Variants in HMGXB3 observed in about 807,000 individuals in gnomAD.
The protein encoded by HMGXB3 is HMG domain-containing protein 3.
In HMGXB3, 45 loss-of-function variants were observed where a neutral mutation model predicts 121.5. The observed-to-expected ratio is 0.37, with a 90% confidence interval of 0.29 to 0.47. HMGXB3 has a LOEUF of 0.47. Ranked by LOEUF, HMGXB3 falls within the 20% of genes least tolerant of loss-of-function variation. The probability of loss-of-function intolerance (pLI) is 0.99; values close to 1 mark genes in which losing one functional copy is unlikely to be tolerated. For synonymous variants in HMGXB3, 590 were observed against 624.1 expected (o/e 0.95, Z 0.81); for missense variants, 1,376 against 1,602.2 (o/e 0.86, Z 2.41).
intron 9 of HMGXB3, among the ~76,000 whole-genome samples, chr5:150,029,304 C>CT (rs1756317492): frequency 6.8e-6 from 1 of 147,104 alleles, no homozygotes; most frequent in South Asian, 2.1e-4. Context: ...GGTTTTTTGG[C>CT]TATATGTAGC....
chr5:150,008,445 C>G (rs954983973), intron 3 of HMGXB3, among the ~76,000 whole-genome samples: 16 of 152,030 alleles, frequency 1.1e-4, no homozygotes, highest in African/African-American at 3.9e-4. Context: ...TAAATATTAC[C>G]CTTTAGTAGA....
intron 6 of HMGXB3, 22 bp downstream of exon 6, chr5:150,018,719 T>C (rs1024276525): frequency 6.5e-6 from 10 of 1,539,304 alleles, no homozygotes; most frequent in Non-Finnish European, 2.6e-6. Context: ...TGGCTGTTGC[T>C]GCTTTGGAAG....
At position 150,050,313 on chromosome 5, in the gene HMGXB3, T is replaced by A. The variant is rs1756860118; in HGVS notation, c.3263T>A (p.Leu1088His). ...GESARDHVDL[L>H]ASSRHWPPVY... ...AGTGCCCGTGACCATGTGGACCTGC[T>A]TGCCTCTTCCCGCCACTGGCCGCCT... Residue 1088 changes from leucine (L) to histidine (H), a missense_variant, in exon 19 of 20, where the codon CTT (leucine) becomes CAT (histidine). By Grantham distance (99) the Leu-to-His change is moderately conservative (BLOSUM62 -3). Transcript: ENST00000502717. The A allele has an allele frequency of 6.4e-7, 1 of 1,551,664 alleles. No individual in the cohort carries two copies. The highest frequency in any genetic ancestry group is 1.4e-5 in the African/African-American group (1 of 73,066).
At chr5:150,009,568 G>A (rs1755782481) in intron 3 of HMGXB3, among the ~76,000 whole-genome samples, 1 of 152,118 alleles carries the variant, frequency 6.6e-6, no homozygotes, top group Non-Finnish European at 1.5e-5. Flanking sequence ...AAACCAGTGA[G>A]GTCAGAATGC....
chr5:150,047,915 A>G (rs189505949), intron 17 of HMGXB3, among the ~76,000 whole-genome samples, 158 bp downstream of exon 17: 1 of 152,304 alleles, frequency 6.6e-6, no homozygotes, highest in South Asian at 2.1e-4. Context: ...GCTAGATGTG[A>G]CATGTATGTG....
chr5:150,005,238 T>G (rs756908163), intron 2 of HMGXB3, among the ~76,000 whole-genome samples: 3 of 152,232 alleles, frequency 2.0e-5, no homozygotes, highest in Non-Finnish European at 4.4e-5. Context: ...ACAAAAGAGC[T>G]ACATTATTTA....
At chr5:150,051,626 T>A in intron 19 of HMGXB3, 99 bp from the exon 20 acceptor site, 1 of 972,378 alleles carries the variant, frequency 1.0e-6, no homozygotes, top group Non-Finnish European at 1.5e-6. Context: ...GATGTTAGGA[T>A]TCAAAGAGGG....
intron 15 of HMGXB3, among the ~76,000 whole-genome samples, chr5:150,042,250 A>G (rs1476945084): frequency 6.6e-6 from 1 of 152,252 alleles, no homozygotes; most frequent in African/African-American, 2.4e-5. Flanking sequence ...TGCATGTTTT[A>G]GACACCTGGG....
chr5:150,052,370 T>G lies in HMGXB3; in HGVS notation c.*178T>G. 1.6e-6 allele frequency: 1 copy of G among 609,124 alleles called. No homozygotes were observed. The allele number at this position is 609,124 out of a possible 1,614,324, so 37.7% of individuals were successfully genotyped here. A position where few individuals can be genotyped will look rare whatever the true frequency, so the allele number is the denominator to read the frequency against. On this transcript the variant is annotated 3_prime_UTR_variant, in exon 20 of 20. Coordinates refer to ENST00000502717, the MANE Select transcript of HMGXB3 (RefSeq NM_014983.3). The stretch of plus-strand genomic sequence containing the variant: ...TGGTGGGACCCAGGGTCCTCAGTTC[T>G]CAACCCTCCAGGGGTCAGGAGTGGT...
At chr5:150,016,522 C>G (rs975925959) in intron 5 of HMGXB3, among the ~76,000 whole-genome samples, 12 of 152,206 alleles carry the variant, frequency 7.9e-5, no homozygotes, top group African/African-American at 2.6e-4. Flanking sequence ...TGACCTTTAT[C>G]TCTAGTAATC....
chr5:150,024,524 G>A lies in HMGXB3; in HGVS notation c.1304G>A (p.Gly435Asp), dbSNP rs1423025141. 1.3e-6 allele frequency: 2 copies of A among 1,551,560 alleles called. No homozygotes were observed. Among genetic ancestry groups the A allele is most frequent in the African/African-American group, 2.7e-5 (2 of 73,024 alleles). ...VLVKEAPGNCGTAVTKTPVVK... is the reference protein window; with the variant it reads ...VLVKEAPGNCDTAVTKTPVVK... ...GTTAAGGAAGCTCCCGGGAATTGTG[G>A]TACAGCAGTCACTAAGACGCCAGTC... The change falls in exon 7 of 20, where the codon GGT (glycine) becomes GAT (aspartate). Residue 435 changes from glycine to aspartate, a missense_variant. Gly to Asp is a moderately conservative substitution (Grantham distance 94). Coordinates refer to ENST00000502717, the MANE Select transcript of HMGXB3 (RefSeq NM_014983.3).
intron 11 of HMGXB3, among the ~76,000 whole-genome samples, chr5:150,035,224 A>AAGAACCATATGGTCTGTACAAGAATATG (rs1756473114): frequency 6.6e-6 from 1 of 152,208 alleles, no homozygotes; most frequent in Admixed American, 6.5e-5. Context: ...ATAATTTGGC[A>AAGAACCATATGGTCTGTACAAGAATATG]GTCTGTACAA....
In HMGXB3 at chr5:150,031,849, A is replaced by G. The variant is rs79709492; in HGVS notation, c.1834-605A>G. On this transcript the variant is annotated intron_variant, in intron 10 of 19. Transcript: ENST00000502717. ...AATGTCTGGCCTGACCTGATCCATAAGGAGAATGTGTCTCTTATCCTGGAG... is the reference window on the plus strand; with the variant it reads ...AATGTCTGGCCTGACCTGATCCATAGGGAGAATGTGTCTCTTATCCTGGAG... Among the ~76,000 whole-genome samples the G allele has an allele frequency of 6.0e-3, 910 of 152,254 alleles. 3 individuals carry two copies. The highest frequency in any genetic ancestry group is 9.3e-3 in the Admixed American group (142 of 15,284).
intron 9 of HMGXB3, among the ~76,000 whole-genome samples, chr5:150,028,489 GTATATA>G (rs1197595051): frequency 3.8e-5 from 4 of 106,252 alleles, no homozygotes; most frequent in South Asian, 3.1e-4. Context: ...ATATATATAT[GTATATA>G]TATGTATGTA....
intron 10 of HMGXB3, among the ~76,000 whole-genome samples, chr5:150,031,096 A>C (rs940230392): frequency 6.6e-6 from 1 of 152,168 alleles, no homozygotes; most frequent in Non-Finnish European, 1.5e-5. Flanking sequence ...TTTTATTGAG[A>C]GTTGCCAGAG....
chr5:150,002,395 A>G (rs1192957459), intron 1 of HMGXB3, among the ~76,000 whole-genome samples: 1 of 152,228 alleles, frequency 6.6e-6, no homozygotes, highest in Admixed American at 6.5e-5. Flanking sequence ...TCATAAGGTT[A>G]GAGTTTAGGT....
At chr5:150,023,094 CTT>C (rs1276174169) in intron 6 of HMGXB3, among the ~76,000 whole-genome samples, 1 of 149,010 alleles carries the variant, frequency 6.7e-6, no homozygotes, top group African/African-American at 2.5e-5. Flanking sequence ...TTCCCAAAGA[CTT>C]AGGATCACGG....
intron 6 of HMGXB3, among the ~76,000 whole-genome samples, chr5:150,020,509 A>G (rs1187656085): frequency 1.3e-5 from 2 of 151,658 alleles, no homozygotes; most frequent in Non-Finnish European, 2.9e-5. Flanking sequence ...CCTTCAGGCT[A>G]TTTTTACTTT....
At chr5:150,050,773 G>A (rs139154516) in intron 19 of HMGXB3, among the ~76,000 whole-genome samples, 192 of 152,272 alleles carry the variant, frequency 1.3e-3, no homozygotes, top group Non-Finnish European at 2.2e-3. Flanking sequence ...GAGCCACCAC[G>A]CCCAGCCTAC....
Sources: gnomAD v4.1 joint callset for allele counts (sites outside exome capture counted in the v4.1 genomes callset) on GRCh38, gnomAD v4.1.1 for gene constraint, MANE v1.5 for transcripts, NCBI Gene and HGNC (gene_info 2026-07-23, HGNC 2026-07-21) for gene names.